Variants in HEATR1 observed in about 807,000 individuals in gnomAD.
The protein encoded by HEATR1 is HEAT repeat-containing protein 1.
HEATR1 carries 77 observed loss-of-function variants against 248.2 expected under a neutral mutation model. The observed-to-expected ratio is 0.31, with a 90% CI of 0.26 to 0.37. HEATR1 has a LOEUF of 0.37. Ranked by LOEUF, HEATR1 falls within the 10% of genes least tolerant of loss-of-function variation. HEATR1 has a pLI of 1.00. For synonymous variants in HEATR1, 897 were observed against 923.1 expected, an observed-to-expected ratio of 0.97 and a Z score of 0.51; for missense variants, 2,420 against 2,504.9, an observed-to-expected ratio of 0.97 and a Z score of 0.72.
intron 30 of HEATR1, 78 bp downstream of exon 30, chr1:236,566,568 C>G: frequency 9.7e-7 from 1 of 1,036,140 alleles, no homozygotes; most frequent in Non-Finnish European, 1.5e-6. Flanking sequence ...TCATCAGCCC[C>G]ATGTTTAAAC....
intron 13 of HEATR1, 106 bp downstream of exon 13, chr1:236,587,842 G>A: frequency 1.3e-6 from 1 of 750,830 alleles, no homozygotes. Flanking sequence ...AATTTCCCAT[G>A]GAAAAATAAT....
chr1:236,589,581 G>A (rs187666221), intron 12 of HEATR1, among the ~76,000 whole-genome samples: 1 of 152,124 alleles, frequency 6.6e-6, no homozygotes, highest in Non-Finnish European at 1.5e-5. Context: ...AGTGTGATTA[G>A]TTGTAATTAG....
At chr1:236,589,626 T>C (rs552783132) in intron 12 of HEATR1, among the ~76,000 whole-genome samples, 32 of 152,352 alleles carry the variant, frequency 2.1e-4, no homozygotes, top group Non-Finnish European at 3.8e-4. Flanking sequence ...ATGATTTTAC[T>C]TGTAGTAAGA....
At chr1:236,604,332 C>G in intron 1 of HEATR1, 90 bp downstream of exon 1, 1 of 404,754 alleles carries the variant, frequency 2.5e-6, no homozygotes, top group Non-Finnish European at 4.3e-6. Context: ...TTCCTTCAAC[C>G]CTGATTCCGC....
intron 24 of HEATR1, chr1:236,573,959 A>C: frequency 3.4e-6 from 1 of 298,318 alleles, no homozygotes; most frequent in South Asian, 9.7e-5. Context: ...GATCACACAC[A>C]CACATATTCC....
intron 2 of HEATR1, 82 bp from the exon 3 acceptor site, chr1:236,603,458 C>T: frequency 1.8e-6 from 2 of 1,081,944 alleles, no homozygotes; most frequent in Admixed American, 2.0e-5. Context: ...TTTTACTTAC[C>T]CCTAAGAAGT....
intron 5 of HEATR1, 28 bp from the exon 6 acceptor site, chr1:236,597,004 A>G (rs1271974439): frequency 6.2e-7 from 1 of 1,603,920 alleles, no homozygotes; most frequent in African/African-American, 1.3e-5. Flanking sequence ...AACAAAACAC[A>G]TTTAACAGTG....
intron 41 of HEATR1, among the ~76,000 whole-genome samples, 181 bp downstream of exon 41, chr1:236,555,115 G>A (rs1043560717): frequency 6.6e-5 from 10 of 152,092 alleles, no homozygotes; most frequent in African/African-American, 2.2e-4. Flanking sequence ...TATAACATTC[G>A]CTCATGATGC....
At chr1:236,602,733 T>C in intron 3 of HEATR1, 1 of 164,628 alleles carries the variant, frequency 6.1e-6, no homozygotes, top group Non-Finnish European at 1.3e-5. Context: ...AAGACCAGCC[T>C]GGCTAACACG....
At chr1:236,584,102 T>A (rs1011492869) in intron 17 of HEATR1, among the ~76,000 whole-genome samples, 1 of 152,126 alleles carries the variant, frequency 6.6e-6, no homozygotes, top group African/African-American at 2.4e-5. Context: ...AGGGATTTGA[T>A]TAACTCAACG....
chr1:236,603,873 AAAC>A, intron 2 of HEATR1, 78 bp downstream of exon 2: 1 of 1,404,392 alleles, frequency 7.1e-7, no homozygotes, highest in Non-Finnish European at 9.6e-7. Context: ...ACAGAAGAGA[AAAC>A]AAGGGGAAAA....
chr1:236,556,139 G>A lies in HEATR1; in HGVS notation c.5475C>T (p.Ala1825=). ...TTLAPRVLLP[A]IKKTYKQIEK... is the part of the protein sequence containing the mutation. ...CAATCTGCTTGTAAGTTTTTTTGAT[G>A]GCGGGCAACAGGACTCGGGGTGCAA... Residue 1825 remains alanine, a synonymous_variant, in exon 38 of 45, where the codon GCC becomes GCT. Coordinates refer to ENST00000366582, the MANE Select transcript of HEATR1 (RefSeq NM_018072.6). The A allele has an allele frequency of 6.2e-7, 1 of 1,614,072 alleles. No individual in the cohort carries two copies.
intron 6 of HEATR1, among the ~76,000 whole-genome samples, chr1:236,596,525 T>C (rs2853585): frequency 0.81 from 122,753 of 152,092 alleles, 50,270 homozygotes; most frequent in Non-Finnish European, 0.88. Context: ...TACTGAGAGG[T>C]TGCTTACGCC....
chr1:236,550,746 C>G lies in HEATR1; in HGVS notation c.*156G>C. On this transcript the variant is annotated 3_prime_UTR_variant, in exon 45 of 45. Coordinates refer to ENST00000366582, the MANE Select transcript of HEATR1 (RefSeq NM_018072.6). ...GAGAGGCTTATGTGGCAGCACAAGC[C>G]AGGTGGGGATTTTGTAAAGAAGTGA... is the stretch of plus-strand genomic sequence containing the variant. The G allele has an allele frequency of 1.7e-6, 1 of 583,088 alleles. No individual in the cohort carries two copies. Among genetic ancestry groups the G allele is most frequent in the Non-Finnish European group, 3.0e-6 (1 of 335,996 alleles). The allele number at this position is 583,088 out of a possible 1,614,324, so 36.1% of individuals were successfully genotyped here.
Position 236,583,169 on chromosome 1 carries a change from G to A in HEATR1, c.2269C>T (p.Leu757=), listed in dbSNP as rs753251388. 6.2e-7 allele frequency: 1 copy of A among 1,604,262 alleles called. No homozygotes were observed. ...ACTGGGATCCCTCTGTCTAACATCA[G>A]TTCAATGTGCCATTCTGAGGGGATT... ...VEIPSEWHIE[L]MLDRGIPVEL... is the part of the protein sequence containing the mutation. The change falls in exon 18 of 45, where the codon CTG becomes TTG. Residue 757 remains leucine (L), a synonymous_variant. Coordinates refer to ENST00000366582, the MANE Select transcript of HEATR1 (RefSeq NM_018072.6).
intron 13 of HEATR1, among the ~76,000 whole-genome samples, 156 bp downstream of exon 13, chr1:236,587,792 T>G (rs79873152): frequency 0.024 from 3,729 of 152,218 alleles, 129 homozygotes; most frequent in East Asian, 0.14. Context: ...TTCTGTGAGT[T>G]TCTCCTAACC....
chr1:236,576,562 C>G (rs1220977601), intron 21 of HEATR1, among the ~76,000 whole-genome samples, 185 bp from the exon 22 acceptor site: 1 of 152,224 alleles, frequency 6.6e-6, no homozygotes, highest in Non-Finnish European at 1.5e-5. Flanking sequence ...AAGCTACACA[C>G]TAAACCTTTA....
chr1:236,561,622 C>T (rs1185585668), intron 32 of HEATR1, among the ~76,000 whole-genome samples: 3 of 152,178 alleles, frequency 2.0e-5, no homozygotes, highest in Admixed American at 2.0e-4. Context: ...CTGGAATCCC[C>T]CAAGTACTGC....
chr1:236,584,378 T>A (rs1891236), intron 17 of HEATR1, among the ~76,000 whole-genome samples: 1 of 152,000 alleles, frequency 6.6e-6, no homozygotes, highest in Non-Finnish European at 1.5e-5. Context: ...ACAATGGCCA[T>A]GATCAGAACT....
Sources: allele counts gnomAD v4.1 joint callset (sites outside exome capture counted in the v4.1 genomes callset), GRCh38; gene constraint gnomAD v4.1.1; transcripts MANE v1.5; gene names NCBI Gene and HGNC (gene_info 2026-07-23, HGNC 2026-07-21).